MAGI2: variants seen among roughly 807,000 people sequenced by gnomAD.
The protein encoded by MAGI2 is membrane associated guanylate kinase, WW and PDZ domain containing 2, also known as membrane-associated guanylate kinase, WW and PDZ domain-containing protein 2.
MAGI2 carries 35 observed loss-of-function variants against 133.3 expected under a neutral mutation model. That is an observed-to-expected ratio of 0.26 (90% CI 0.20 to 0.35). The LOEUF is 0.35. Ranked by LOEUF, MAGI2 falls within the 10% of genes least tolerant of loss-of-function variation. MAGI2 has a pLI of 1.00. For synonymous variants in MAGI2, 729 were observed against 710.6 expected (o/e 1.03, Z -0.41); for missense variants, 1,636 against 1,863.4 (o/e 0.88, Z 2.25).
At chr7:78,192,986 G>A (rs1357792587) in intron 12 of MAGI2, among the ~76,000 whole-genome samples, 2 of 152,106 alleles carry the variant, frequency 1.3e-5, no homozygotes, top group Admixed American at 6.5e-5. Flanking sequence ...GAAAAAGAAA[G>A]CTCTGGAGGT....
intron 1 of MAGI2, among the ~76,000 whole-genome samples, chr7:79,284,897 T>C (rs1441207652): frequency 1.3e-5 from 2 of 152,054 alleles, no homozygotes; most frequent in Non-Finnish European, 2.9e-5. Context: ...CGGTCCTTAA[T>C]CCTCCTAGAG....
intron 3 of MAGI2, among the ~76,000 whole-genome samples, chr7:78,572,637 GT>G (rs1328118898): frequency 6.6e-6 from 1 of 151,824 alleles, no homozygotes; most frequent in African/African-American, 2.4e-5. Context: ...CTGATTTTTT[GT>G]TTTGGCTATT....
intron 1 of MAGI2, among the ~76,000 whole-genome samples, chr7:79,377,218 G>A (rs1222686956): frequency 1.3e-5 from 2 of 151,708 alleles, no homozygotes; most frequent in Non-Finnish European, 2.9e-5. Context: ...TACAAATGAA[G>A]TCCACTCAAC....
chr7:78,866,709 G>C (rs1483584606), intron 2 of MAGI2, among the ~76,000 whole-genome samples: 11 of 151,960 alleles, frequency 7.2e-5, no homozygotes, highest in Admixed American at 2.6e-4. Flanking sequence ...GGAAAAGATA[G>C]TATAAATTTA....
chr7:78,209,700 G>C (rs138843815), intron 10 of MAGI2, among the ~76,000 whole-genome samples: 1 of 151,884 alleles, frequency 6.6e-6, no homozygotes, highest in African/African-American at 2.4e-5. Flanking sequence ...ATTTTCTCTT[G>C]CTTGAGCTGA....
intron 10 of MAGI2, among the ~76,000 whole-genome samples, chr7:78,207,264 T>C (rs1490123216): frequency 1.3e-5 from 2 of 152,194 alleles, no homozygotes; most frequent in Non-Finnish European, 2.9e-5. Flanking sequence ...GGGAATAAAC[T>C]GAATTCACAT....
intron 10 of MAGI2, among the ~76,000 whole-genome samples, chr7:78,225,516 T>C (rs917761776): frequency 1.3e-5 from 2 of 152,114 alleles, no homozygotes; most frequent in Non-Finnish European, 2.9e-5. Context: ...TGCACCTGTA[T>C]TTGTGTTTTT....
At chr7:78,855,249 G>A (rs776091494) in intron 2 of MAGI2, among the ~76,000 whole-genome samples, 55 of 151,850 alleles carry the variant, frequency 3.6e-4, no homozygotes, top group Admixed American at 7.2e-4. Context: ...ACCATGCCCA[G>A]CTAAAATTTT....
chr7:78,908,301 C>T (rs1464504667), intron 2 of MAGI2, among the ~76,000 whole-genome samples: 1 of 152,202 alleles, frequency 6.6e-6, no homozygotes, highest in East Asian at 1.9e-4. Context: ...ACACCAAAGT[C>T]TCTGAAATAG....
chr7:78,343,451 TAA>T (rs1790596427), intron 9 of MAGI2, among the ~76,000 whole-genome samples: 1 of 152,154 alleles, frequency 6.6e-6, no homozygotes, highest in African/African-American at 2.4e-5. Context: ...TGGCTGAATA[TAA>T]GTTAGAAAAG....
chr7:78,252,726 G>C (rs1584572234), intron 10 of MAGI2: 1 of 151,950 alleles, frequency 6.6e-6, no homozygotes, highest in Admixed American at 6.6e-5. Context: ...TGGATCACGA[G>C]GTCAGGATAC....
At chr7:79,046,004 A>G (rs1416631533) in intron 1 of MAGI2, among the ~76,000 whole-genome samples, 1 of 152,174 alleles carries the variant, frequency 6.6e-6, no homozygotes, top group Non-Finnish European at 1.5e-5. Flanking sequence ...AGTTGTAACT[A>G]CTGGGGAAAA....
intron 9 of MAGI2, among the ~76,000 whole-genome samples, chr7:78,263,112 G>C (rs1793672165): frequency 6.6e-6 from 1 of 152,118 alleles, no homozygotes; most frequent in South Asian, 2.1e-4. Flanking sequence ...AACTCAGTTA[G>C]GGTTACAGTC....
intron 1 of MAGI2, among the ~76,000 whole-genome samples, chr7:79,024,356 C>A (rs931939730): frequency 2.0e-5 from 3 of 151,848 alleles, no homozygotes; most frequent in Non-Finnish European, 4.4e-5. Flanking sequence ...ACACATAAGT[C>A]TAAAATCAAA....
intron 2 of MAGI2, among the ~76,000 whole-genome samples, chr7:78,630,683 G>A (rs141590892): frequency 1.9e-3 from 285 of 152,112 alleles, no homozygotes; most frequent in African/African-American, 6.6e-3. Flanking sequence ...CCAAAGTGCT[G>A]TGATTACAGG....
chr7:78,820,643 A>C (rs1029017248), intron 2 of MAGI2, among the ~76,000 whole-genome samples: 9 of 152,012 alleles, frequency 5.9e-5, no homozygotes, highest in Non-Finnish European at 7.4e-5. Flanking sequence ...AAAACAAAGA[A>C]TAAAGATGAT....
At chr7:78,630,953 C>T (rs1013811016) in intron 2 of MAGI2, among the ~76,000 whole-genome samples, 2 of 152,058 alleles carry the variant, frequency 1.3e-5, no homozygotes, top group Non-Finnish European at 2.9e-5. Context: ...CCTGGGGAGT[C>T]ACTTTGCCTC....
intron 1 of MAGI2, among the ~76,000 whole-genome samples, chr7:79,324,366 T>A (rs970999127): frequency 2.0e-5 from 3 of 148,478 alleles, no homozygotes; most frequent in African/African-American, 7.4e-5. Context: ...TATGTGTGTG[T>A]ATGTATATAT....
At position 79,077,590 on chromosome 7, in the gene MAGI2, A is replaced by AT. The variant is rs1194001847; in HGVS notation, c.302-70385_302-70384insA. Among the ~76,000 whole-genome samples, 26 of 136,020 alleles carry AT rather than the reference A, an allele frequency of 1.9e-4. 3 individuals carry two copies. The highest frequency in any genetic ancestry group is 7.0e-4 in the South Asian group (3 of 4,294). 89.2% of individuals were successfully genotyped at this position (136,020 alleles called of 152,430 possible). On this transcript the variant is annotated intron_variant, in intron 1 of 21. Transcript: ENST00000354212. ...ACTGCCTCTCAAAAAAAAAAAAAAA[A>AT]AAAAATAAATAAATAAATAAATTCC...
Sources: gnomAD v4.1 joint callset for allele counts (sites outside exome capture counted in the v4.1 genomes callset) on GRCh38, gnomAD v4.1.1 for gene constraint, MANE v1.5 for transcripts, NCBI Gene and HGNC (gene_info 2026-07-23, HGNC 2026-07-21) for gene names.